FHOD3: variants seen among roughly 807,000 people sequenced by gnomAD.
FHOD3 encodes FH1/FH2 domain-containing protein 3.
FHOD3 carries 90 observed loss-of-function variants against 173.0 expected under a neutral mutation model. That is an observed-to-expected ratio of 0.52 (90% CI 0.44 to 0.62). The LOEUF is 0.62. Ranked by LOEUF, FHOD3 falls within the 20% of genes least tolerant of loss-of-function variation. The pLI is 0.00. For missense variants in FHOD3, 1,945 were observed against 2,034.7 expected (o/e 0.96, Z 0.85); for synonymous variants, 828 against 823.0 (o/e 1.01, Z -0.10).
At chr18:36,689,248 G>A (rs1339516986) in intron 16 of FHOD3, among the ~76,000 whole-genome samples, 1 of 152,200 alleles carries the variant, frequency 6.6e-6, no homozygotes, top group Non-Finnish European at 1.5e-5. Context: ...ATGGAAACTA[G>A]TAGAGATCAG....
intron 14 of FHOD3, among the ~76,000 whole-genome samples, chr18:36,662,738 C>T (rs2036895781): frequency 6.6e-6 from 1 of 152,284 alleles, no homozygotes; most frequent in East Asian, 1.9e-4. Context: ...GAGATCTACC[C>T]TCTTAACAAT....
chr18:36,654,268 T>C (rs2036260579), intron 13 of FHOD3, among the ~76,000 whole-genome samples: 1 of 152,196 alleles, frequency 6.6e-6, no homozygotes, highest in Non-Finnish European at 1.5e-5. Context: ...AAATGACCAG[T>C]CTTTATGGGT....
intron 2 of FHOD3, among the ~76,000 whole-genome samples, chr18:36,366,336 A>G (rs1244354416): frequency 6.6e-6 from 1 of 151,298 alleles, no homozygotes; most frequent in Admixed American, 6.8e-5. Flanking sequence ...ATATTCAGAC[A>G]TTAAGACAAA....
chr18:36,401,709 G>A (rs962345343), intron 3 of FHOD3, among the ~76,000 whole-genome samples: 1 of 152,172 alleles, frequency 6.6e-6, no homozygotes, highest in Non-Finnish European at 1.5e-5. Context: ...TGGAATCAAG[G>A]AAGTAAAAGT....
At chr18:36,495,407 C>T (rs562326914) in intron 3 of FHOD3, among the ~76,000 whole-genome samples, 2 of 152,252 alleles carry the variant, frequency 1.3e-5, no homozygotes, top group Non-Finnish European at 2.9e-5. Context: ...GCTGTACTAC[C>T]CTCACTAACA....
chr18:36,372,675 G>T lies in FHOD3; in HGVS notation c.273-5G>T, dbSNP rs772151743. On this transcript the variant is annotated splice_region_variant and splice_polypyrimidine_tract_variant and intron_variant, in intron 2 of 28. Coordinates refer to ENST00000590592, the MANE Select transcript of FHOD3 (RefSeq NM_001281740.3). Reference sequence around the variant, plus strand: ...ATGCCCCTGTTTTGTCTCCTGTCTCGTTAGGCGGGGCAAGAAGCACAGCAT... The same window carrying T: ...ATGCCCCTGTTTTGTCTCCTGTCTCTTTAGGCGGGGCAAGAAGCACAGCAT... 1.2e-6 allele frequency: 2 copies of T among 1,613,728 alleles called. No individual in the cohort carries two copies. Among genetic ancestry groups the T allele is most frequent in the Non-Finnish European group, 1.7e-6 (2 of 1,179,824 alleles).
chr18:36,563,717 A>T (rs996369141), intron 5 of FHOD3, among the ~76,000 whole-genome samples: 1 of 152,162 alleles, frequency 6.6e-6, no homozygotes, highest in African/African-American at 2.4e-5. Context: ...AGCAAAAATC[A>T]GGGGAACTAT....
At chr18:36,429,707 A>G (rs2050431799) in intron 3 of FHOD3, among the ~76,000 whole-genome samples, 1 of 152,188 alleles carries the variant, frequency 6.6e-6, no homozygotes, top group Non-Finnish European at 1.5e-5. Context: ...GGCCAGAAGG[A>G]GGAGCAGCTC....
chr18:36,380,934 T>A (rs1203053205), intron 3 of FHOD3, among the ~76,000 whole-genome samples: 1 of 151,714 alleles, frequency 6.6e-6, no homozygotes, highest in Non-Finnish European at 1.5e-5. Context: ...AGAAAGGGGG[T>A]CCACCAATGG....
intron 10 of FHOD3, among the ~76,000 whole-genome samples, chr18:36,646,150 A>G (rs938381561): frequency 6.6e-6 from 1 of 152,342 alleles, no homozygotes; most frequent in African/African-American, 2.4e-5. Flanking sequence ...ACGATTGTCT[A>G]CAGAGGAAGT....
intron 6 of FHOD3, among the ~76,000 whole-genome samples, chr18:36,587,056 C>T (rs746056210): frequency 6.6e-5 from 10 of 151,928 alleles, no homozygotes; most frequent in Non-Finnish European, 1.2e-4. Context: ...CTCCTCAGTT[C>T]GAGAGAGTGG....
intron 3 of FHOD3, among the ~76,000 whole-genome samples, chr18:36,462,716 C>G (rs1264762732): frequency 1.3e-5 from 2 of 152,218 alleles, no homozygotes; most frequent in Non-Finnish European, 2.9e-5. Flanking sequence ...CCTTGAACTC[C>G]TAAGCACAAG....
chr18:36,603,981 T>C (rs1299477233), intron 8 of FHOD3, among the ~76,000 whole-genome samples: 1 of 152,184 alleles, frequency 6.6e-6, no homozygotes, highest in Non-Finnish European at 1.5e-5. Context: ...TCTCACGTGA[T>C]GGTGACCACA....
At chr18:36,477,727 T>A (rs1191004796) in intron 3 of FHOD3, among the ~76,000 whole-genome samples, 1 of 152,018 alleles carries the variant, frequency 6.6e-6, no homozygotes, top group African/African-American at 2.4e-5. Flanking sequence ...AAAGTACAAG[T>A]CTTAAATCCC....
At position 36,355,523 on chromosome 18, in the gene FHOD3, G is replaced by T. The variant is rs971497168; in HGVS notation, c.166-16G>T. 3 of 1,612,420 alleles carry T rather than the reference G, an allele frequency of 1.9e-6. No homozygotes were observed. Among genetic ancestry groups the T allele is most frequent in the Non-Finnish European group, 2.5e-6 (3 of 1,178,514 alleles). On this transcript the variant is annotated splice_polypyrimidine_tract_variant and intron_variant, in intron 1 of 28. Coordinates refer to ENST00000590592, the MANE Select transcript of FHOD3 (RefSeq NM_001281740.3). ...CTGAGGAGCAGGTTGGGTATAACAG[G>T]CTCTTTCTCTTGCAGCTGGATGACT...
At chr18:36,550,383 A>G (rs1423111984) in intron 5 of FHOD3, among the ~76,000 whole-genome samples, 5 of 151,666 alleles carry the variant, frequency 3.3e-5, no homozygotes. Flanking sequence ...TAGGTAGTAT[A>G]AGTCTTCCCA....
intron 1 of FHOD3, among the ~76,000 whole-genome samples, chr18:36,317,104 T>C (rs931787274): frequency 5.3e-5 from 8 of 152,266 alleles, no homozygotes; most frequent in Non-Finnish European, 1.0e-4. Flanking sequence ...GTGCCACATT[T>C]TCTTTATCTA....
At chr18:36,629,215 G>C (rs2034329029) in intron 10 of FHOD3, among the ~76,000 whole-genome samples, 1 of 152,146 alleles carries the variant, frequency 6.6e-6, no homozygotes, top group South Asian at 2.1e-4. Flanking sequence ...GTTAAACTTG[G>C]AGTACCAGAC....
intron 5 of FHOD3, among the ~76,000 whole-genome samples, chr18:36,552,092 T>C (rs1252232662): frequency 6.6e-6 from 1 of 152,242 alleles, no homozygotes; most frequent in Non-Finnish European, 1.5e-5. Flanking sequence ...TTGGGCAGTA[T>C]GGCCATTTTC....
Sources: gnomAD v4.1 joint callset for allele counts (sites outside exome capture counted in the v4.1 genomes callset) on GRCh38, gnomAD v4.1.1 for gene constraint, MANE v1.5 for transcripts, NCBI Gene and HGNC (gene_info 2026-07-23, HGNC 2026-07-21) for gene names.